The following CCDC178 variants were observed in gnomAD, a reference collection of about 807,000 sequenced individuals.
CCDC178 encodes coiled-coil domain containing 178.
CCDC178 carries 126 observed loss-of-function variants against 117.4 expected under a neutral mutation model. The ratio of observed to expected loss-of-function variants is 1.07; its 90% CI spans 0.93 to 1.24. The LOEUF (loss-of-function observed/expected upper bound fraction) is 1.24. Among genes scored for constraint, CCDC178 ranks in the 50% most tolerant of loss-of-function variants. The pLI is 0.00. For missense variants in CCDC178, 1,030 were observed against 986.9 expected, an observed-to-expected ratio of 1.04 and a Z score of -0.59; for synonymous variants, 283 against 313.4, an observed-to-expected ratio of 0.90 and a Z score of 1.02.
intron 2 of CCDC178, among the ~76,000 whole-genome samples, chr18:33,431,196 T>G (rs1003082647): frequency 6.8e-6 from 1 of 148,032 alleles, no homozygotes; most frequent in African/African-American, 2.5e-5. Flanking sequence ...TTTAACTTTT[T>G]TTTTTTTTTT....
intron 21 of CCDC178, among the ~76,000 whole-genome samples, chr18:32,984,228 C>A (rs976821742): frequency 6.6e-6 from 1 of 151,338 alleles, no homozygotes; most frequent in African/African-American, 2.4e-5. Flanking sequence ...ATAATATATT[C>A]GATAATTCTG....
intron 2 of CCDC178, among the ~76,000 whole-genome samples, chr18:33,413,764 A>G (rs930976640): frequency 1.3e-5 from 2 of 152,154 alleles, no homozygotes; most frequent in African/African-American, 4.8e-5. Context: ...GGGCCACACA[A>G]AACTTTGGAA....
Position 33,245,428 on chromosome 18 carries a change from G to A in CCDC178, c.1410C>T (p.Ser470=), listed in dbSNP as rs1407585578. 2 of 1,531,804 alleles carry A rather than the reference G, an allele frequency of 1.3e-6. No individual in the cohort carries two copies. Among genetic ancestry groups the A allele is most frequent in the East Asian group, 2.4e-5 (1 of 42,074 alleles). 94.9% of individuals were successfully genotyped at this position (1,531,804 alleles called of 1,614,324 possible). A position where few individuals can be genotyped will look rare whatever the true frequency, so the allele number is the denominator to read the frequency against. The change falls in exon 15 of 23, where the codon AGC becomes AGT. Residue 470 remains serine (S), a splice_region_variant and synonymous_variant. Transcript: ENST00000383096. ...ATTCGTATTTTGATTTTTTCCGTAT[G>A]CTGTAAAAGTAAAGCAAAAATTAAT... The part of the protein sequence containing the change: ...INKITVKTNE[S]IRKKSKYESE...
intron 20 of CCDC178, among the ~76,000 whole-genome samples, chr18:33,187,446 C>T (rs1322450990): frequency 6.6e-6 from 1 of 152,060 alleles, no homozygotes; most frequent in East Asian, 1.9e-4. Context: ...TGTCAATCCC[C>T]TTCAGAGAAA....
At chr18:33,375,417 T>C (rs1232089573) in intron 5 of CCDC178, among the ~76,000 whole-genome samples, 1 of 152,148 alleles carries the variant, frequency 6.6e-6, no homozygotes, top group Non-Finnish European at 1.5e-5. Flanking sequence ...CTGAGCTCCT[T>C]GCAAAAATGT....
chr18:33,295,220 C>T (rs952446894), intron 11 of CCDC178, among the ~76,000 whole-genome samples: 6 of 152,046 alleles, frequency 3.9e-5, no homozygotes, highest in Admixed American at 1.3e-4. Context: ...AGTAATTTAA[C>T]ATATGGTGAT....
At chr18:33,303,352 A>T (rs2062204368) in intron 11 of CCDC178, among the ~76,000 whole-genome samples, 1 of 152,216 alleles carries the variant, frequency 6.6e-6, no homozygotes, top group African/African-American at 2.4e-5. Context: ...AGCAAGGAAT[A>T]AGTAGAGCAA....
At chr18:33,119,749 G>A (rs1056849691) in intron 20 of CCDC178, among the ~76,000 whole-genome samples, 12 of 152,046 alleles carry the variant, frequency 7.9e-5, no homozygotes, top group Non-Finnish European at 1.3e-4. Context: ...TGTTTATTGC[G>A]GCACTATTCA....
chr18:33,174,683 G>A (rs975046357), intron 20 of CCDC178, among the ~76,000 whole-genome samples: 1 of 151,874 alleles, frequency 6.6e-6, no homozygotes, highest in Admixed American at 6.6e-5. Flanking sequence ...TTTTCATTTG[G>A]TTTCATAGTC....
intron 21 of CCDC178, among the ~76,000 whole-genome samples, chr18:33,019,946 TTATTATTA>T (rs1242733329): frequency 6.8e-6 from 1 of 146,748 alleles, no homozygotes; most frequent in African/African-American, 2.5e-5. Context: ...ATTATTATTA[TTATTATTA>T]TTATTATTTG....
chr18:33,438,402 C>T (rs990114194), intron 2 of CCDC178, among the ~76,000 whole-genome samples: 2 of 152,180 alleles, frequency 1.3e-5, no homozygotes. Flanking sequence ...CTTCCTCTAG[C>T]AAGATCTGAA....
intron 21 of CCDC178, among the ~76,000 whole-genome samples, chr18:33,052,507 A>C (rs1413913557): frequency 6.6e-6 from 1 of 152,198 alleles, no homozygotes; most frequent in Admixed American, 6.5e-5. Flanking sequence ...TACACTTTGT[A>C]TGGATTTGTA....
At chr18:33,131,059 T>TA (rs557789369) in intron 20 of CCDC178, among the ~76,000 whole-genome samples, 2 of 151,928 alleles carry the variant, frequency 1.3e-5, no homozygotes, top group South Asian at 4.1e-4. Flanking sequence ...ATGTGCCTAT[T>TA]ATATAAGGAG....
At chr18:33,157,051 T>C (rs1269972289) in intron 20 of CCDC178, among the ~76,000 whole-genome samples, 2 of 152,208 alleles carry the variant, frequency 1.3e-5, no homozygotes, top group Non-Finnish European at 2.9e-5. Context: ...AATAAATCAA[T>C]ATGATGGCTA....
intron 21 of CCDC178, among the ~76,000 whole-genome samples, chr18:33,053,583 T>C (rs576891911): frequency 6.6e-6 from 1 of 152,202 alleles, no homozygotes; most frequent in Non-Finnish European, 1.5e-5. Context: ...TTCAACATTG[T>C]AAATTCAAAC....
At chr18:33,237,504 A>G (rs1412539910) in intron 15 of CCDC178, among the ~76,000 whole-genome samples, 5 of 152,146 alleles carry the variant, frequency 3.3e-5, no homozygotes, top group African/African-American at 1.2e-4. Context: ...AGGCCAGCTG[A>G]TCAGCTTTGT....
intron 16 of CCDC178, among the ~76,000 whole-genome samples, chr18:33,226,406 A>G (rs1191047758): frequency 2.0e-5 from 3 of 152,208 alleles, no homozygotes; most frequent in Non-Finnish European, 4.4e-5. Context: ...CAAAATCTCT[A>G]TATGGAAGTA....
At chr18:33,051,318 G>C (rs1296993562) in intron 21 of CCDC178, among the ~76,000 whole-genome samples, 1 of 152,138 alleles carries the variant, frequency 6.6e-6, no homozygotes, top group Non-Finnish European at 1.5e-5. Context: ...TCAAGAAAGA[G>C]ATAAAAGAAA....
At chr18:32,972,804 A>AT (rs555159542) in intron 22 of CCDC178, among the ~76,000 whole-genome samples, 16 of 152,110 alleles carry the variant, frequency 1.1e-4, no homozygotes, top group African/African-American at 3.6e-4. Flanking sequence ...TGTAGACTTG[A>AT]TTTTTTTCCC....
Sources: gnomAD v4.1 joint callset for allele counts (sites outside exome capture counted in the v4.1 genomes callset) on GRCh38, gnomAD v4.1.1 for gene constraint, MANE v1.5 for transcripts, NCBI Gene and HGNC (gene_info 2026-07-23, HGNC 2026-07-21) for gene names.